The following GABRR1 variants were observed in gnomAD, a reference collection of about 807,000 sequenced individuals.
GABRR1 encodes the protein gamma-aminobutyric acid type A receptor subunit rho1.
Under a neutral mutation model 55.5 loss-of-function variants are expected in GABRR1, and 59 were observed. The ratio of observed to expected loss-of-function variants is 1.06; its 90% CI spans 0.86 to 1.32. The LOEUF is 1.32. Among genes scored for constraint, GABRR1 ranks in the 40% most tolerant of loss-of-function variants. GABRR1 has a pLI of 0.00. For missense variants in GABRR1, 602 were observed against 619.1 expected, an observed-to-expected ratio of 0.97 and a Z score of 0.29; for synonymous variants, 213 against 226.0, an observed-to-expected ratio of 0.94 and a Z score of 0.51.
chr6:89,189,407 A>G (rs577186687), intron 6 of GABRR1, among the ~76,000 whole-genome samples: 62 of 144,736 alleles, frequency 4.3e-4, no homozygotes, highest in Admixed American at 9.2e-4. Flanking sequence ...AAACTATCGC[A>G]AGAACAAAAA....
intron 3 of GABRR1, 56 bp from the exon 4 acceptor site, chr6:89,199,485 G>T: frequency 6.5e-7 from 1 of 1,533,738 alleles, no homozygotes; most frequent in Non-Finnish European, 9.0e-7. Context: ...TTTTACTATG[G>T]AGGAAATAGG....
intron 6 of GABRR1, among the ~76,000 whole-genome samples, chr6:89,188,481 T>C (rs751838306): frequency 2.6e-5 from 4 of 152,176 alleles, no homozygotes; most frequent in Non-Finnish European, 5.9e-5. Context: ...CTCACTGTAG[T>C]TTTGGTTTGC....
intron 1 of GABRR1, among the ~76,000 whole-genome samples, chr6:89,223,711 T>C (rs1250481292): frequency 1.9e-5 from 1 of 53,944 alleles, no homozygotes; most frequent in Non-Finnish European, 4.1e-5. Flanking sequence ...CACCAATATC[T>C]TTTTTTTTTT....
At chr6:89,183,718 C>T (rs1416817195) in intron 7 of GABRR1, among the ~76,000 whole-genome samples, 6 of 151,600 alleles carry the variant, frequency 4.0e-5, no homozygotes, top group Non-Finnish European at 7.4e-5. Context: ...TGCAGTAACT[C>T]GGATGGAACT....
chr6:89,204,296 A>G (rs1055977453), intron 1 of GABRR1, among the ~76,000 whole-genome samples: 1 of 152,226 alleles, frequency 6.6e-6, no homozygotes, highest in Non-Finnish European at 1.5e-5. Flanking sequence ...TGTCATCTGT[A>G]GAAAATGGAG....
At chr6:89,215,737 T>C (rs1360659210) in intron 1 of GABRR1, among the ~76,000 whole-genome samples, 5 of 152,236 alleles carry the variant, frequency 3.3e-5, no homozygotes, top group Non-Finnish European at 5.9e-5. Flanking sequence ...GACTTAATCA[T>C]TCCACACTGT....
rs1052219402 is a variant in GABRR1, at chr6:89,208,071, C to T, written c.123-4586G>A. Among the ~76,000 whole-genome samples the T allele has an allele frequency of 3.9e-5, 6 of 152,344 alleles. 1 individual carries two copies. Among genetic ancestry groups the T allele is most frequent in the Admixed American group, 2.6e-4 (4 of 15,304 alleles). The stretch of plus-strand genomic sequence containing the variant: ...CCTCCCTGAGATGTGAGAGGCGCTT[C>T]GCTGCTCTAGTCCTGTTGGCTGAAG... On this transcript the variant is annotated intron_variant, in intron 1 of 9. Coordinates refer to ENST00000454853, the MANE Select transcript of GABRR1 (RefSeq NM_002042.5).
intron 9 of GABRR1, 39 bp downstream of exon 9, chr6:89,180,253 C>A: frequency 6.3e-7 from 1 of 1,591,158 alleles, no homozygotes; most frequent in South Asian, 1.1e-5. Context: ...AGATCAGGTT[C>A]CATCCTGACC....
intron 5 of GABRR1, among the ~76,000 whole-genome samples, chr6:89,195,685 C>CA (rs1356444332): frequency 6.6e-6 from 1 of 152,160 alleles, no homozygotes; most frequent in African/African-American, 2.4e-5. Context: ...CTTGTAAAAA[C>CA]AAAAGTAAAA....
chr6:89,204,589 C>A, intron 1 of GABRR1: 2 of 1,258,964 alleles, frequency 1.6e-6, no homozygotes, highest in Non-Finnish European at 2.0e-6. Context: ...CTTGGCCCAG[C>A]TCTTACTTTG....
upstream of GABRR1, among the ~76,000 whole-genome samples, chr6:89,218,128 C>A (rs769328381): frequency 6.6e-5 from 10 of 152,114 alleles, no homozygotes; most frequent in Non-Finnish European, 1.2e-4. Context: ...GTGTCTTCAT[C>A]AAAAGACAGT....
intron 1 of GABRR1, among the ~76,000 whole-genome samples, chr6:89,229,955 C>T (rs377666193): frequency 1.0e-5 from 1 of 96,860 alleles, no homozygotes; most frequent in Non-Finnish European, 2.1e-5. Context: ...GGAGGCTTTG[C>T]TCATTTCTTT....
intron 5 of GABRR1, among the ~76,000 whole-genome samples, chr6:89,196,837 AAG>A (rs927276936): frequency 9.8e-6 from 1 of 101,658 alleles, no homozygotes; most frequent in African/African-American, 3.8e-5. Context: ...GAAAGAAAGA[AAG>A]AAAGAAAGAA....
chr6:89,214,461 C>A (rs1383306881), intron 1 of GABRR1, among the ~76,000 whole-genome samples: 1 of 151,846 alleles, frequency 6.6e-6, no homozygotes, highest in African/African-American at 2.4e-5. Context: ...AGTGAAGAGA[C>A]AACCTGCAGA....
intron 1 of GABRR1, among the ~76,000 whole-genome samples, chr6:89,224,385 C>A (rs1216447327): frequency 1.3e-5 from 2 of 152,190 alleles, no homozygotes; most frequent in African/African-American, 4.8e-5. Flanking sequence ...AGCCACCATG[C>A]CCAGCCTGCA....
intron 9 of GABRR1, 98 bp from the exon 10 acceptor site, chr6:89,179,161 G>C (rs1281906521): frequency 1.6e-6 from 2 of 1,254,258 alleles, no homozygotes; most frequent in Non-Finnish European, 2.2e-6. Context: ...CCTGGTTTCT[G>C]GTATTCCCAG....
upstream of GABRR1, among the ~76,000 whole-genome samples, chr6:89,218,161 C>G (rs772810414): frequency 1.3e-5 from 2 of 152,024 alleles, no homozygotes; most frequent in African/African-American, 2.4e-5. Context: ...TGGAAGAGAC[C>G]GCATTAGGTA....
chr6:89,198,197 C>T lies in GABRR1; in HGVS notation c.395G>A (p.Arg132Lys). The T allele has an allele frequency of 6.2e-7, 1 of 1,614,112 alleles. No homozygotes were observed. Among genetic ancestry groups the T allele is most frequent in the East Asian group, 2.2e-5 (1 of 44,886 alleles). ...GTTGTTGGTGCTTGGAAAAGACAGC[C>T]TCTCGTCCTTCCAGTAGTGCCTCAG... Reference protein sequence around the residue: ...LYLRHYWKDERLSFPSTNNLS... With the variant: ...LYLRHYWKDEKLSFPSTNNLS... Residue 132 changes from arginine (R) to lysine (K), a missense_variant, in exon 5 of 10, where the codon AGG becomes AAG. Physicochemically the swap from Arg to Lys is conservative, Grantham distance 26 (BLOSUM62 2). This residue lies in a region of GABRR1 where 435 missense variants were observed against 424.2 expected (regional missense o/e 1.03). Coordinates refer to ENST00000454853, the MANE Select transcript of GABRR1 (RefSeq NM_002042.5).
chr6:89,220,653 C>T (rs995284600), upstream of GABRR1, among the ~76,000 whole-genome samples: 3 of 152,162 alleles, frequency 2.0e-5, no homozygotes, highest in African/African-American at 7.2e-5. Context: ...CCAGTTAGGG[C>T]CAGCATCAGA....
Sources: allele counts gnomAD v4.1 joint callset (sites outside exome capture counted in the v4.1 genomes callset), GRCh38; gene constraint gnomAD v4.1.1; regional missense constraint gnomAD v4.1.1; transcripts MANE v1.5; gene names NCBI Gene and HGNC (gene_info 2026-07-23, HGNC 2026-07-21).